ABCA3: variants seen among roughly 807,000 people sequenced by gnomAD.
ABCA3 encodes the protein phospholipid-transporting ATPase ABCA3.
Under a neutral mutation model 172.8 loss-of-function variants are expected in ABCA3, and 88 were observed. That is an observed-to-expected ratio of 0.51 (90% CI 0.43 to 0.61). The LOEUF (loss-of-function observed/expected upper bound fraction) is 0.61, where lower values mean the gene tolerates loss of function less well. Among genes scored for constraint, ABCA3 ranks in the 20% least tolerant of loss-of-function variants. The pLI is 0.00. For missense variants in ABCA3, 2,164 were observed against 2,301.0 expected (o/e 0.94, Z 1.22); for synonymous variants, 1,066 against 983.8 (o/e 1.08, Z -1.56).
At chr16:2,316,741 C>A (rs1487988640) in intron 10 of ABCA3, among the ~76,000 whole-genome samples, 1 of 150,720 alleles carries the variant, frequency 6.6e-6, no homozygotes, top group Non-Finnish European at 1.5e-5. Flanking sequence ...TGGAGTTTTA[C>A]CTGGGAGGAG....
At chr16:2,304,706 T>C (rs1325674830) in intron 11 of ABCA3, among the ~76,000 whole-genome samples, 13 of 146,540 alleles carry the variant, frequency 8.9e-5, no homozygotes, top group Admixed American at 3.6e-4. Context: ...GATGGAGTCT[T>C]GCTCTGTCTC....
rs751355107 is a variant in ABCA3 at position 2,279,127 on chromosome 16, G to A, written c.4363C>T (p.Arg1455Trp). ...TGCGGGCAGTAGCCGATCCGCTGCC[G>A]CACCTGGGGTCGGAGCATAGCCGGG... ...HRISSDVGKV[R>W]QRIGYCPQFD... Residue 1455 changes from arginine to tryptophan, a missense_variant, in exon 29 of 33, where the codon CGG becomes TGG. Arg to Trp is a moderately radical substitution (Grantham distance 101). This residue lies in a region of ABCA3 where 795 missense variants were observed against 881.9 expected (regional missense o/e 0.90). Transcript: ENST00000301732. The surrounding 1 kb of genome is among the most constrained non-coding windows in gnomAD (Gnocchi z 4.4). 1.3e-5 allele frequency: 21 copies of A among 1,611,058 alleles called. 1 individual carries two copies. The East Asian group carries it at 1.6e-4, about 12-fold the overall frequency.
At chr16:2,323,355 C>T (rs1239562898) in intron 7 of ABCA3, 168 bp downstream of exon 7, 10 of 830,020 alleles carry the variant, frequency 1.2e-5, no homozygotes, top group Admixed American at 3.7e-5. Flanking sequence ...CACATGCACA[C>T]GTATGTTTAT....
chr16:2,317,851 T>C, intron 8 of ABCA3, 87 bp from the exon 9 acceptor site: 2 of 1,212,952 alleles, frequency 1.6e-6, no homozygotes, highest in Non-Finnish European at 2.4e-6. Context: ...CAGGCCTGAG[T>C]CCGACTGTCC....
In ABCA3 at chr16:2,278,594, CTG is replaced by C. The variant is rs1225948807; in HGVS notation, c.4548-138_4548-137del. ...AACAGCCCTAGTGAAGAGGAAGGAG[CTG>C]TGTGTGCACCTGGAAAGCCCACCGC... On this transcript the variant is annotated intron_variant, in intron 29 of 32. Transcript: ENST00000301732. The surrounding 1 kb of genome is among the most constrained non-coding windows in gnomAD (Gnocchi z 4.4). The C allele has an allele frequency of 1.6e-6, 2 of 1,232,856 alleles. No individual in the cohort carries two copies. 76.4% of individuals were successfully genotyped at this position (1,232,856 alleles called of 1,614,324 possible).
chr16:2,308,180 C>T (rs2093700748), intron 11 of ABCA3, among the ~76,000 whole-genome samples: 1 of 150,274 alleles, frequency 6.7e-6, no homozygotes. Context: ...CTCCAACCCT[C>T]TTGTCCTCCG....
chr16:2,277,568 G>T lies in ABCA3; in HGVS notation c.4983+29C>A. 6.2e-7 allele frequency: 1 copy of T among 1,611,120 alleles called. No homozygotes were observed. Reference sequence around the variant, plus strand: ...AGGGACCTCCCCCTGCCCCATGAGTGCCCAGTGGGGCCCCAGGGACTGCCT... The same window carrying T: ...AGGGACCTCCCCCTGCCCCATGAGTTCCCAGTGGGGCCCCAGGGACTGCCT... On this transcript the variant is annotated intron_variant, in intron 32 of 32. Transcript: ENST00000301732. The surrounding 1 kb of genome is among the most constrained non-coding windows in gnomAD (Gnocchi z 5.3).
chr16:2,317,645 C>T lies in ABCA3; in HGVS notation c.990+3G>A. ...ACCAGAGCCCCACCGACGCCATGCTCACCTTGACACAGAAGAGCAGGGTCA... is the reference window on the plus strand; with the variant it reads ...ACCAGAGCCCCACCGACGCCATGCTTACCTTGACACAGAAGAGCAGGGTCA... On this transcript the variant is annotated splice_donor_region_variant and intron_variant, in intron 9 of 32. Transcript: ENST00000301732. The T allele has an allele frequency of 6.2e-7, 1 of 1,614,164 alleles. No individual in the cohort carries two copies. The highest frequency in any genetic ancestry group is 1.6e-4 in the Middle Eastern group (1 of 6,062).
chr16:2,302,950 CA>C (rs944993573), intron 12 of ABCA3, among the ~76,000 whole-genome samples: 2 of 151,846 alleles, frequency 1.3e-5, no homozygotes, highest in African/African-American at 4.8e-5. Flanking sequence ...CCACCACACC[CA>C]GCTAATTTTT....
chr16:2,327,936 G>C (rs975993671), intron 3 of ABCA3, among the ~76,000 whole-genome samples: 13 of 152,028 alleles, frequency 8.6e-5, no homozygotes, highest in African/African-American at 4.8e-5. Context: ...GGCCAGGCTG[G>C]TCTTGAACTC....
intron 11 of ABCA3, 96 bp from the exon 12 acceptor site, chr16:2,304,246 T>G: frequency 1.5e-6 from 2 of 1,326,312 alleles, no homozygotes; most frequent in Non-Finnish European, 1.1e-6. Flanking sequence ...CATTTGACCT[T>G]GCATGGCCAC....
chr16:2,310,493 G>A (rs1462426936), intron 10 of ABCA3, among the ~76,000 whole-genome samples: 2 of 151,660 alleles, frequency 1.3e-5, no homozygotes, highest in Non-Finnish European at 2.9e-5. Context: ...AAGAGCAGCA[G>A]TGGTTTTTCC....
rs1567354581 is a variant in ABCA3, at chr16:2,326,010, C to A, written c.319G>T (p.Val107Leu). 6.2e-7 allele frequency: 1 copy of A among 1,613,734 alleles called. No individual in the cohort carries two copies. Among genetic ancestry groups the A allele is most frequent in the Non-Finnish European group, 8.5e-7 (1 of 1,179,982 alleles). Residue 107 changes from valine (V) to leucine (L), a missense_variant and splice_region_variant, in exon 5 of 33, where the codon GTG becomes TTG. Coordinates refer to ENST00000301732, the MANE Select transcript of ABCA3 (RefSeq NM_001089.3). ...VRRALVINMRVRGFPSEKDFE... is the reference protein window; with the variant it reads ...VRRALVINMRLRGFPSEKDFE... ...CACCGAGAGCCCCGGCATGTCTCACCTCGCATGTTGATCACAAGTGCCCTG... is the reference window on the plus strand; with the variant it reads ...CACCGAGAGCCCCGGCATGTCTCACATCGCATGTTGATCACAAGTGCCCTG...
intron 1 of ABCA3, among the ~76,000 whole-genome samples, chr16:2,337,227 T>C (rs2093753256): frequency 6.6e-6 from 1 of 152,076 alleles, no homozygotes; most frequent in East Asian, 1.9e-4. Flanking sequence ...CCTTCGTCCC[T>C]TTAAAAGATC....
intron 15 of ABCA3, 124 bp downstream of exon 15, chr16:2,298,262 G>A: frequency 2.0e-6 from 3 of 1,477,040 alleles, no homozygotes; most frequent in South Asian, 1.2e-5. Flanking sequence ...GACGTAGCTG[G>A]ACTCAGAACC....
At position 2,315,035 on chromosome 16, in the gene ABCA3, AC is replaced by A. The variant is rs1431003579; in HGVS notation, c.1111+2247del. Among the ~76,000 whole-genome samples the A allele has an allele frequency of 2.7e-5, 4 of 146,542 alleles. No individual in the cohort carries two copies. In the East Asian group the frequency reaches 6.2e-4, roughly 23 times the overall value. ...TGGGACTACAGGTACCCGCCACCAC[AC>A]CCGGCTAATTTTTGTATTTTTTTTT... On this transcript the variant is annotated intron_variant, in intron 10 of 32. Coordinates refer to ENST00000301732, the MANE Select transcript of ABCA3 (RefSeq NM_001089.3).
chr16:2,306,827 AAC>A (rs1341673781), intron 11 of ABCA3, among the ~76,000 whole-genome samples: 15 of 152,042 alleles, frequency 9.9e-5, no homozygotes, highest in African/African-American at 3.6e-4. Flanking sequence ...CATCCTGGCT[AAC>A]ACAGTGAAAC....
chr16:2,288,036 G>C lies in ABCA3; in HGVS notation c.2994C>G (p.Arg998=). The change falls in exon 21 of 33, where the codon CGC becomes CGG. Residue 998 remains arginine (R), a synonymous_variant. Transcript: ENST00000301732. ...DALQAEGQEP[R]EVLGDLEEFL... ...CGGGATGCCCCTTACCGAGCACCTC[G>C]CGGGGCTCCTGTCCCTCAGCCTGCA... The C allele has an allele frequency of 1.2e-6, 2 of 1,607,594 alleles. No homozygotes were observed. The highest frequency in any genetic ancestry group is 1.7e-6 in the Non-Finnish European group (2 of 1,179,962).
intron 11 of ABCA3, among the ~76,000 whole-genome samples, chr16:2,305,654 T>C (rs1374127477): frequency 6.6e-6 from 1 of 152,084 alleles, no homozygotes; most frequent in Non-Finnish European, 1.5e-5. Context: ...GGTCTTGAAC[T>C]CCTGACCTCG....
Sources: allele counts gnomAD v4.1 joint callset (sites outside exome capture counted in the v4.1 genomes callset), GRCh38; gene constraint gnomAD v4.1.1; regional missense constraint gnomAD v4.1.1; non-coding constraint Gnocchi (gnomAD v3.1); transcripts MANE v1.5; gene names NCBI Gene and HGNC (gene_info 2026-07-23, HGNC 2026-07-21).